The following KIF1B variants were observed in gnomAD, a reference collection of about 807,000 sequenced individuals.
KIF1B encodes the protein kinesin family member 1B.
Under a neutral mutation model 241.9 loss-of-function variants are expected in KIF1B, and 76 were observed. That is an observed-to-expected ratio of 0.31 (90% CI 0.26 to 0.38). The LOEUF (loss-of-function observed/expected upper bound fraction) is 0.38. Among genes scored for constraint, KIF1B ranks in the 10% least tolerant of loss-of-function variants. The probability of loss-of-function intolerance (pLI) is 1.00; values close to 1 mark genes in which losing one functional copy is unlikely to be tolerated. For missense variants in KIF1B, 1,622 were observed against 2,271.4 expected, an observed-to-expected ratio of 0.71 and a Z score of 5.81; for synonymous variants, 750 against 796.7, an observed-to-expected ratio of 0.94 and a Z score of 0.99.
intron 27 of KIF1B, among the ~76,000 whole-genome samples, chr1:10,328,065 C>T (rs1385055964): frequency 6.6e-6 from 1 of 152,126 alleles, no homozygotes; most frequent in East Asian, 1.9e-4. Flanking sequence ...TGGTGCATGC[C>T]TGTAGTCCCA....
rs1217933636 is a variant in KIF1B at position 10,303,725 on chromosome 1, TA to T, written c.2115+6481del. On this transcript the variant is annotated intron_variant, in intron 22 of 48. Coordinates refer to ENST00000676179, the MANE Select transcript of KIF1B (RefSeq NM_001365951.3). This position sits in a 1 kb window ranked among gnomAD's most constrained non-coding sequence, Gnocchi z 5.2. Reference sequence around the variant, plus strand: ...ATGAAAGACGAGGAGATAAAAGTCTTAAGAAATAAAATGCTCAAAATGGAAA... The same window carrying T: ...ATGAAAGACGAGGAGATAAAAGTCTTAGAAATAAAATGCTCAAAATGGAAA... 1.9e-6 allele frequency: 3 copies of T among 1,614,136 alleles called. No individual in the cohort carries two copies. Among genetic ancestry groups the T allele is most frequent in the Non-Finnish European group, 2.5e-6 (3 of 1,180,002 alleles).
chr1:10,228,150 A>G (rs1383299908), intron 1 of KIF1B, among the ~76,000 whole-genome samples: 3 of 151,990 alleles, frequency 2.0e-5, no homozygotes, highest in Non-Finnish European at 4.4e-5. Context: ...ATGCCACTGC[A>G]CTCCAGCCTG....
intron 33 of KIF1B, 80 bp downstream of exon 33, chr1:10,342,248 T>G: frequency 1.1e-6 from 1 of 903,818 alleles, no homozygotes; most frequent in Non-Finnish European, 1.9e-6. Context: ...GAAGAAATCT[T>G]TTGAGGGATT....
chr1:10,247,593 G>C (rs1023794933), intron 2 of KIF1B, among the ~76,000 whole-genome samples: 1 of 152,166 alleles, frequency 6.6e-6, no homozygotes, highest in Non-Finnish European at 1.5e-5. Flanking sequence ...TTTATGCTAG[G>C]CCTTGAGCCA....
intron 5 of KIF1B, among the ~76,000 whole-genome samples, chr1:10,264,722 C>T (rs914573334): frequency 4.6e-5 from 7 of 151,848 alleles, no homozygotes; most frequent in Middle Eastern, 3.4e-3. Flanking sequence ...AGTGCAGCGG[C>T]GCGGTCTCGG....
chr1:10,299,589 T>C (rs1190790386), intron 22 of KIF1B, among the ~76,000 whole-genome samples: 1 of 152,230 alleles, frequency 6.6e-6, no homozygotes, highest in Non-Finnish European at 1.5e-5. Flanking sequence ...AATCAGTAAA[T>C]ATTTATTTAA....
At chr1:10,222,572 A>G (rs1424112912) in intron 1 of KIF1B, among the ~76,000 whole-genome samples, 1 of 152,236 alleles carries the variant, frequency 6.6e-6, no homozygotes, top group Admixed American at 6.5e-5. Context: ...CTTGTTTATC[A>G]CTTTACTGAA....
At chr1:10,292,219 C>A (rs886849649) in intron 17 of KIF1B, 97 bp downstream of exon 17, 1 of 876,792 alleles carries the variant, frequency 1.1e-6, no homozygotes, top group Non-Finnish European at 1.9e-6. Flanking sequence ...TACTCTCCCC[C>A]TTATTATCTT....
At chr1:10,327,328 C>T (rs1447624613) in intron 27 of KIF1B, among the ~76,000 whole-genome samples, 19 of 151,986 alleles carry the variant, frequency 1.3e-4, no homozygotes, top group African/African-American at 2.7e-4. Flanking sequence ...GGTGAAACCC[C>T]GTCTCTACTA....
intron 15 of KIF1B, among the ~76,000 whole-genome samples, chr1:10,290,157 T>C (rs1649921760): frequency 1.3e-5 from 2 of 152,260 alleles, no homozygotes; most frequent in Middle Eastern, 3.4e-3. Context: ...ATTTAATTAA[T>C]TTATTTTTTT....
rs374382454 is a variant in KIF1B at position 10,295,194 on chromosome 1, C to T, written c.1670+29C>T. On this transcript the variant is annotated intron_variant, in intron 18 of 48. Coordinates refer to ENST00000676179, the MANE Select transcript of KIF1B (RefSeq NM_001365951.3). Reference sequence around the variant, plus strand: ...TATTTATTTCCTGTTTTGGTCACTTCGTGTGTTTTCCCCCTCTTAGATAAT... The same window carrying T: ...TATTTATTTCCTGTTTTGGTCACTTTGTGTGTTTTCCCCCTCTTAGATAAT... 5 of 1,325,712 alleles carry T rather than the reference C, an allele frequency of 3.8e-6. No individual in the cohort carries two copies. The South Asian group carries it at 5.9e-5, about 16-fold the overall frequency. The allele number at this position is 1,325,712 out of a possible 1,614,324, so 82.1% of individuals were successfully genotyped here. A position where few individuals can be genotyped will look rare whatever the true frequency, so the allele number is the denominator to read the frequency against.
At chr1:10,346,065 A>G (rs1652576950) in intron 35 of KIF1B, 112 bp downstream of exon 35, 2 of 791,280 alleles carry the variant, frequency 2.5e-6, no homozygotes, top group Non-Finnish European at 4.4e-6. Flanking sequence ...GTCAAATTCC[A>G]GGGATGGTTT....
At chr1:10,356,731 G>A (rs1039675484) in intron 38 of KIF1B, among the ~76,000 whole-genome samples, 3 of 151,896 alleles carry the variant, frequency 2.0e-5, no homozygotes, top group Non-Finnish European at 4.4e-5. Context: ...GAAGCCCCAT[G>A]TCTACTAAAA....
intron 2 of KIF1B, among the ~76,000 whole-genome samples, chr1:10,241,745 C>T (rs1571123251): frequency 1.3e-5 from 2 of 151,930 alleles, no homozygotes; most frequent in Non-Finnish European, 2.9e-5. Flanking sequence ...GAGAAAGCAA[C>T]CATGCCCAAT....
chr1:10,297,093 G>A lies in KIF1B; in HGVS notation c.2042+16G>A, dbSNP rs1427727123. ...TGGAGAAAAGGTAATGCACAGTTAC[G>A]CAGCCCATATGACTGTTTCTTCTTT... On this transcript the variant is annotated intron_variant, in intron 21 of 48. Transcript: ENST00000676179. 5.0e-6 allele frequency: 8 copies of A among 1,613,428 alleles called. No individual in the cohort carries two copies. Among genetic ancestry groups the A allele is most frequent in the South Asian group, 1.1e-5 (1 of 91,070 alleles).
At chr1:10,263,281 TAATAATAATA>T (rs1399098283) in intron 5 of KIF1B, among the ~76,000 whole-genome samples, 1 of 130,134 alleles carries the variant, frequency 7.7e-6, no homozygotes, top group East Asian at 2.0e-4. Context: ...AAAAAAAAAA[TAATAATAATA>T]AATAAATAAA....
rs139551803 is a variant in KIF1B, at chr1:10,256,094, C to T, written c.107-153C>T. Among the ~76,000 whole-genome samples the T allele has an allele frequency of 1.4e-3, 214 of 152,156 alleles. 1 individual carries two copies. The highest frequency in any genetic ancestry group is 4.9e-3 in the African/African-American group (204 of 41,502). On this transcript the variant is annotated intron_variant, in intron 2 of 48. Coordinates refer to ENST00000676179, the MANE Select transcript of KIF1B (RefSeq NM_001365951.3). ...AAAATGCTGAAATTACAGGCATGAG[C>T]CACTGAGCCCAGCCTATTAATTTTT...
intron 13 of KIF1B, 32 bp downstream of exon 13, chr1:10,278,160 A>G: frequency 1.2e-6 from 2 of 1,607,706 alleles, no homozygotes; most frequent in Non-Finnish European, 1.7e-6. Context: ...ACAAAATCTA[A>G]TCCTTTCTTC....
rs777558704 is a variant in KIF1B at position 10,375,352 on chromosome 1, C to T, written c.5387C>T (p.Pro1796Leu). The T allele has an allele frequency of 6.2e-7, 1 of 1,613,186 alleles. No individual in the cohort carries two copies. The highest frequency in any genetic ancestry group is 8.5e-7 in the Non-Finnish European group (1 of 1,179,290). Residue 1796 changes from proline to leucine, a missense_variant, in exon 48 of 49, where the codon CCA becomes CTA. Coordinates refer to ENST00000676179, the MANE Select transcript of KIF1B (RefSeq NM_001365951.3). The stretch of plus-strand genomic sequence containing the variant: ...AACGACTGGTTGTATGCCTTCAACC[C>T]ACTTCTAGCTGGCACAATACGGTAA... ...DMNDWLYAFN[P>L]LLAGTIRSKL...
Sources: allele counts gnomAD v4.1 joint callset (sites outside exome capture counted in the v4.1 genomes callset), GRCh38; gene constraint gnomAD v4.1.1; non-coding constraint Gnocchi (gnomAD v3.1); transcripts MANE v1.5; gene names NCBI Gene and HGNC (gene_info 2026-07-23, HGNC 2026-07-21).